Variants in CEP128 observed in about 807,000 individuals in gnomAD.
CEP128 encodes centrosomal protein 128, also known as centrosomal protein 128kDa.
Under a neutral mutation model 156.7 loss-of-function variants are expected in CEP128, and 132 were observed. The ratio of observed to expected loss-of-function variants is 0.84; its 90% CI spans 0.73 to 0.97. CEP128 has a LOEUF of 0.97. Ranked by LOEUF, CEP128 falls within the 50% of genes least tolerant of loss-of-function variation. The probability of loss-of-function intolerance (pLI) is 0.00; values close to 1 mark genes in which losing one functional copy is unlikely to be tolerated. For missense variants in CEP128, 1,252 were observed against 1,281.9 expected (o/e 0.98, Z 0.36); for synonymous variants, 469 against 448.9 (o/e 1.04, Z -0.57).
chr14:80,639,847 T>C (rs1304032946), intron 19 of CEP128, among the ~76,000 whole-genome samples: 1 of 152,136 alleles, frequency 6.6e-6, no homozygotes, highest in Non-Finnish European at 1.5e-5. Flanking sequence ...CTAGCAATTA[T>C]TTCATGCTGT....
intron 5 of CEP128, 24 bp from the exon 6 acceptor site, chr14:80,904,955 A>G (rs1883800155): frequency 2.3e-6 from 3 of 1,327,784 alleles, no homozygotes; most frequent in Non-Finnish European, 3.3e-6. Flanking sequence ...AGAAAAGGGA[A>G]GGTATTAAAA....
intron 19 of CEP128, among the ~76,000 whole-genome samples, chr14:80,614,529 G>T (rs1304516680): frequency 2.0e-5 from 3 of 151,766 alleles, no homozygotes; most frequent in African/African-American, 7.3e-5. Flanking sequence ...AACATCTAGG[G>T]TCTCTGTAGA....
chr14:80,550,552 G>A (rs912337176), intron 21 of CEP128, among the ~76,000 whole-genome samples: 4 of 151,762 alleles, frequency 2.6e-5, no homozygotes, highest in Admixed American at 2.6e-4. Context: ...CTCGTTAAAA[G>A]ACAGATTTTT....
At chr14:80,483,001 T>C (rs1287619093) in intron 14 of CEP128, among the ~76,000 whole-genome samples, 1 of 152,168 alleles carries the variant, frequency 6.6e-6, no homozygotes. Context: ...TAGCCAAATA[T>C]TGGCAGGTCG....
chr14:80,633,775 T>G (rs1894064414), intron 19 of CEP128, among the ~76,000 whole-genome samples: 1 of 152,194 alleles, frequency 6.6e-6, no homozygotes, highest in African/African-American at 2.4e-5. Flanking sequence ...CCTCAATAAA[T>G]AATTAAATAA....
chr14:80,659,541 C>T (rs1281457246), intron 19 of CEP128, among the ~76,000 whole-genome samples: 1 of 152,170 alleles, frequency 6.6e-6, no homozygotes, highest in Non-Finnish European at 1.5e-5. Flanking sequence ...ACATGCCTTA[C>T]TGATATCTAT....
intron 19 of CEP128, among the ~76,000 whole-genome samples, chr14:80,705,995 T>C (rs1434348820): frequency 6.6e-6 from 1 of 152,152 alleles, no homozygotes; most frequent in Non-Finnish European, 1.5e-5. Context: ...AGCAGGTATA[T>C]ATCATCTACA....
rs528895371 is a variant in CEP128 at position 80,631,040 on chromosome 14, G to T, written c.2807-50617C>A. The stretch of plus-strand genomic sequence containing the variant: ...AACTAAAAAATACTCATGCTTTTTC[G>T]AGTCAATAATTCCACTTGGAGGAAT... On this transcript the variant is annotated intron_variant, in intron 19 of 24. Transcript: ENST00000555265. Among the ~76,000 whole-genome samples the T allele has an allele frequency of 2.6e-5, 4 of 151,946 alleles. No individual in the cohort carries two copies. In the East Asian group the frequency reaches 7.7e-4, roughly 29 times the overall value.
intron 13 of CEP128, among the ~76,000 whole-genome samples, chr14:80,807,195 T>C (rs12886388): frequency 0.33 from 49,920 of 151,962 alleles, 8,990 homozygotes; most frequent in Non-Finnish European, 0.4. Flanking sequence ...AATATTCAAA[T>C]AATTAAAGTA....
intron 4 of CEP128, among the ~76,000 whole-genome samples, chr14:80,912,014 C>T (rs748069016): frequency 5.9e-5 from 9 of 152,132 alleles, no homozygotes; most frequent in South Asian, 2.1e-4. Flanking sequence ...GTCAGGAGAT[C>T]GAGACCATCC....
intron 8 of CEP128, among the ~76,000 whole-genome samples, chr14:80,892,189 GT>G (rs1188654377): frequency 6.6e-6 from 1 of 151,850 alleles, no homozygotes. Context: ...TCAAAACAGT[GT>G]GGTACTGGCA....
intron 19 of CEP128, among the ~76,000 whole-genome samples, chr14:80,728,204 A>G (rs1177313068): frequency 1.3e-5 from 2 of 152,230 alleles, no homozygotes; most frequent in Non-Finnish European, 2.9e-5. Context: ...CTTTGCAGCA[A>G]CATGTATGCA....
At chr14:80,744,005 G>A (rs1422854407) in intron 18 of CEP128, among the ~76,000 whole-genome samples, 1 of 151,746 alleles carries the variant, frequency 6.6e-6, no homozygotes, top group Non-Finnish European at 1.5e-5. Flanking sequence ...TCAGTAGCTG[G>A]GACTACAGGT....
chr14:80,675,848 T>A (rs1022067209), intron 19 of CEP128, among the ~76,000 whole-genome samples: 37 of 152,118 alleles, frequency 2.4e-4, no homozygotes, highest in African/African-American at 7.5e-4. Flanking sequence ...CCCCTCAATG[T>A]TCAATGGAAA....
At chr14:80,769,979 T>TTAC (rs1450097534) in intron 16 of CEP128, among the ~76,000 whole-genome samples, 2 of 152,188 alleles carry the variant, frequency 1.3e-5, no homozygotes, top group African/African-American at 4.8e-5. Flanking sequence ...CCTCAACCAA[T>TTAC]GGTATACACC....
In CEP128 at chr14:80,955,648, A is replaced by G. The variant is rs142972704; in HGVS notation, c.-172+2530T>C. 8.5e-4 allele frequency: 1,374 copies of G among 1,612,654 alleles called. 9 individuals carry two copies. The African/African-American group carries it at 0.013, about 15-fold the overall frequency. On this transcript the variant is annotated intron_variant, in intron 2 of 7. Transcript: ENST00000555529. ...AGAGCTGAGAATGAGGCGATTTCGG[A>G]GGATGGAGAAATAGCCCCGAGTCCC...
At chr14:80,641,750 G>C (rs992052146) in intron 19 of CEP128, among the ~76,000 whole-genome samples, 17 of 152,038 alleles carry the variant, frequency 1.1e-4, no homozygotes, top group Admixed American at 1.3e-4. Context: ...TCTATTATAA[G>C]TAATTAAAAT....
At chr14:80,661,372 A>G (rs1380611085) in intron 19 of CEP128, among the ~76,000 whole-genome samples, 3 of 152,156 alleles carry the variant, frequency 2.0e-5, no homozygotes, top group African/African-American at 7.2e-5. Context: ...AATATACTTC[A>G]AGAGTACTTT....
At chr14:80,822,014 T>G (rs1271897139) in intron 13 of CEP128, among the ~76,000 whole-genome samples, 1 of 152,098 alleles carries the variant, frequency 6.6e-6, no homozygotes, top group South Asian at 2.1e-4. Context: ...TTCATGATCA[T>G]GAGACAAGCA....
Sources: allele counts gnomAD v4.1 joint callset (sites outside exome capture counted in the v4.1 genomes callset), GRCh38; gene constraint gnomAD v4.1.1; transcripts MANE v1.5; gene names NCBI Gene and HGNC (gene_info 2026-07-23, HGNC 2026-07-21).